CPNE4: variants seen among roughly 807,000 people sequenced by gnomAD.
CPNE4 encodes the protein copine 4, also known as copine-4.
A neutral mutation model predicts 67.9 loss-of-function variants in CPNE4; 25 were observed. That is an observed-to-expected ratio of 0.37 (90% CI 0.27 to 0.51). CPNE4 has a LOEUF of 0.51. Among genes scored for constraint, CPNE4 ranks in the 20% least tolerant of loss-of-function variants. The pLI is 0.93. For synonymous variants in CPNE4, 242 were observed against 244.9 expected (o/e 0.99, Z 0.11); for missense variants, 464 against 690.8 (o/e 0.67, Z 3.68).
chr3:131,844,750 T>A (rs2085932058), intron 2 of CPNE4, among the ~76,000 whole-genome samples: 1 of 152,184 alleles, frequency 6.6e-6, no homozygotes, highest in Admixed American at 6.5e-5. Flanking sequence ...GGTGTTATTA[T>A]CATTTTCTCT....
At chr3:131,613,081 G>C (rs1939941960) in intron 7 of CPNE4, among the ~76,000 whole-genome samples, 1 of 152,186 alleles carries the variant, frequency 6.6e-6, no homozygotes, top group Non-Finnish European at 1.5e-5. Context: ...CTTGGCCACA[G>C]AGTACCCAGA....
chr3:131,607,012 C>T (rs188811361), intron 7 of CPNE4, among the ~76,000 whole-genome samples: 9 of 151,042 alleles, frequency 6.0e-5, no homozygotes, highest in East Asian at 3.9e-4. Context: ...GGAAGTTCCT[C>T]GATGAAACAA....
chr3:131,773,350 T>A (rs2083214632), intron 2 of CPNE4, among the ~76,000 whole-genome samples: 1 of 26,608 alleles, frequency 3.8e-5, no homozygotes, highest in Non-Finnish European at 1.5e-4. Context: ...AAGTTTTATT[T>A]ATTATTTATT....
intron 2 of CPNE4, among the ~76,000 whole-genome samples, chr3:131,796,209 G>C (rs775533261): frequency 6.6e-6 from 1 of 152,002 alleles, no homozygotes; most frequent in Non-Finnish European, 1.5e-5. Flanking sequence ...GCTGTCCAAG[G>C]TTATTTGAAT....
chr3:131,901,294 C>T (rs1236282682), intron 2 of CPNE4, among the ~76,000 whole-genome samples: 4 of 152,086 alleles, frequency 2.6e-5, no homozygotes, highest in Non-Finnish European at 5.9e-5. Context: ...TATTTCCACT[C>T]CTCGATGGAA....
chr3:131,698,933 A>AT (rs1308115740), intron 4 of CPNE4, among the ~76,000 whole-genome samples: 2 of 145,764 alleles, frequency 1.4e-5, no homozygotes, highest in African/African-American at 5.0e-5. Flanking sequence ...AAAAAAAAAA[A>AT]TTGGTTTCTC....
chr3:131,962,532 G>A (rs963835547), intron 1 of CPNE4, among the ~76,000 whole-genome samples: 1 of 152,188 alleles, frequency 6.6e-6, no homozygotes, highest in Non-Finnish European at 1.5e-5. Context: ...TACAGGATTA[G>A]AGAAGACTAG....
At chr3:131,557,325 G>T (rs1352974877) in intron 11 of CPNE4, among the ~76,000 whole-genome samples, 1 of 151,996 alleles carries the variant, frequency 6.6e-6, no homozygotes, top group Admixed American at 6.6e-5. Context: ...ATTCAGGTTA[G>T]GGCTCACTGT....
At chr3:131,999,189 G>A (rs2073365515) in intron 1 of CPNE4, among the ~76,000 whole-genome samples, 1 of 140,010 alleles carries the variant, frequency 7.1e-6, no homozygotes, top group South Asian at 2.2e-4. Flanking sequence ...GAAAAACGAA[G>A]GGCAGTGCAC....
intron 1 of CPNE4, among the ~76,000 whole-genome samples, chr3:131,943,846 T>C (rs1323878673): frequency 6.6e-6 from 1 of 152,166 alleles, no homozygotes; most frequent in Non-Finnish European, 1.5e-5. Flanking sequence ...CATTACGCTG[T>C]AGCAATTCTT....
rs1453079495 is a variant in CPNE4, at chr3:131,700,053, C to CTTTTTTTTTTTTTTT, written c.361-74_361-73insAAAAAAAAAAAAAAA. 1.7e-5 allele frequency: 6 copies of CTTTTTTTTTTTTTTT among 344,750 alleles called. No homozygotes were observed. The African/African-American group carries it at 2.1e-4, about 12-fold the overall frequency. 21.4% of individuals were successfully genotyped at this position (344,750 alleles called of 1,614,324 possible). ...TTTAACTGTAGATCTATTTTTTAAA[C>CTTTTTTTTTTTTTTT]CTTTTTTTTTTTTTTTTTTTTTTTA... On this transcript the variant is annotated intron_variant, in intron 3 of 15. Coordinates refer to ENST00000429747, the MANE Select transcript of CPNE4 (RefSeq NM_130808.3).
chr3:131,913,596 C>G (rs529643743), intron 1 of CPNE4, among the ~76,000 whole-genome samples: 1 of 152,304 alleles, frequency 6.6e-6, no homozygotes, highest in African/African-American at 2.4e-5. Context: ...AAGTTGCCTG[C>G]TTGGCCCTCT....
At chr3:131,836,386 G>A (rs976371209) in intron 2 of CPNE4, among the ~76,000 whole-genome samples, 4 of 152,112 alleles carry the variant, frequency 2.6e-5, no homozygotes, top group Non-Finnish European at 5.9e-5. Flanking sequence ...AAGCAGAAAA[G>A]CCTTTGATAA....
chr3:131,553,019 A>G (rs1312006401), intron 12 of CPNE4, among the ~76,000 whole-genome samples: 3 of 152,128 alleles, frequency 2.0e-5, no homozygotes. Context: ...CAGGTAAAAC[A>G]GACTGCACTC....
chr3:131,856,818 C>T (rs1012311393), intron 2 of CPNE4, among the ~76,000 whole-genome samples: 8 of 151,888 alleles, frequency 5.3e-5, no homozygotes, highest in African/African-American at 1.7e-4. Flanking sequence ...TGCTGTTGTC[C>T]CTATTATACA....
At chr3:131,880,989 A>C (rs568469411) in intron 2 of CPNE4, among the ~76,000 whole-genome samples, 1 of 152,198 alleles carries the variant, frequency 6.6e-6, no homozygotes, top group African/African-American at 2.4e-5. Context: ...ACTTAGTGCT[A>C]TCAGCCTGGC....
intron 3 of CPNE4, among the ~76,000 whole-genome samples, chr3:131,711,615 C>T (rs75420687): frequency 2.1e-3 from 314 of 152,236 alleles, no homozygotes; most frequent in Non-Finnish European, 3.9e-3. Context: ...GGGCCCTTGA[C>T]GGCTCATGTT....
intron 1 of CPNE4, among the ~76,000 whole-genome samples, chr3:131,947,740 G>A (rs1405652787): frequency 1.3e-5 from 2 of 152,086 alleles, no homozygotes; most frequent in Admixed American, 1.3e-4. Flanking sequence ...ATAATCCTTT[G>A]GGTATATATC....
At chr3:131,684,253 C>G (rs1453720693) in intron 6 of CPNE4, among the ~76,000 whole-genome samples, 3 of 152,126 alleles carry the variant, frequency 2.0e-5, no homozygotes, top group Non-Finnish European at 4.4e-5. Flanking sequence ...CCATCTTGCT[C>G]TATTTCCCTC....
Sources: gnomAD v4.1 joint callset for allele counts (sites outside exome capture counted in the v4.1 genomes callset) on GRCh38, gnomAD v4.1.1 for gene constraint, MANE v1.5 for transcripts, NCBI Gene and HGNC (gene_info 2026-07-23, HGNC 2026-07-21) for gene names.